Variants in NR2C2 observed in about 807,000 individuals in gnomAD.
NR2C2 encodes nuclear receptor subfamily 2 group C member 2.
NR2C2 carries 6 observed loss-of-function variants against 62.9 expected under a neutral mutation model. That is an observed-to-expected ratio of 0.10 (90% confidence interval 0.05 to 0.19). NR2C2 has a LOEUF of 0.19. Ranked by LOEUF, NR2C2 falls within the 10% of genes least tolerant of loss-of-function variation. The pLI is 1.00. For missense variants in NR2C2, 479 were observed against 762.7 expected (o/e 0.63, Z 4.38); for synonymous variants, 272 against 273.8 (o/e 0.99, Z 0.07).
At chr3:14,984,469 A>G (rs2040460251) in intron 1 of NR2C2, among the ~76,000 whole-genome samples, 1 of 152,180 alleles carries the variant, frequency 6.6e-6, no homozygotes, top group South Asian at 2.1e-4. Flanking sequence ...GTATAGCTCT[A>G]GCCACATCTA....
intron 4 of NR2C2, among the ~76,000 whole-genome samples, chr3:15,018,020 A>C (rs1039607392): frequency 1.3e-5 from 2 of 151,404 alleles, no homozygotes; most frequent in Non-Finnish European, 2.9e-5. Flanking sequence ...TTTTTTTGAG[A>C]TGGAGTCTCA....
intron 3 of NR2C2, among the ~76,000 whole-genome samples, chr3:15,015,897 G>C (rs1032595441): frequency 6.6e-6 from 1 of 152,138 alleles, no homozygotes; most frequent in Non-Finnish European, 1.5e-5. Context: ...TGCCTCCCGG[G>C]TTGAAGCAAT....
At chr3:15,041,038 G>T (rs1177833016) in intron 13 of NR2C2, among the ~76,000 whole-genome samples, 1 of 152,150 alleles carries the variant, frequency 6.6e-6, no homozygotes, top group East Asian at 1.9e-4. Context: ...AGTCACTCCT[G>T]TCCAGTCAGG....
chr3:14,989,824 C>A (rs1339220899), intron 1 of NR2C2, among the ~76,000 whole-genome samples: 1 of 146,914 alleles, frequency 6.8e-6, no homozygotes, highest in Non-Finnish European at 1.5e-5. Flanking sequence ...CCCAGCTACT[C>A]GAGAGGTGGA....
intron 1 of NR2C2, among the ~76,000 whole-genome samples, chr3:14,974,038 TCA>T (rs1159950016): frequency 2.0e-5 from 3 of 152,150 alleles, no homozygotes; most frequent in East Asian, 1.9e-4. Context: ...CAACAGATCT[TCA>T]CAGTTTTTTC....
At chr3:14,959,068 G>C (rs947110526) in intron 1 of NR2C2, 1 of 152,218 alleles carries the variant, frequency 6.6e-6, no homozygotes, top group African/African-American at 2.4e-5. Flanking sequence ...TCTTATTCTA[G>C]TGGGACATCT....
chr3:15,017,913 A>T (rs923578015), intron 4 of NR2C2, among the ~76,000 whole-genome samples: 4 of 152,330 alleles, frequency 2.6e-5, no homozygotes, highest in African/African-American at 4.8e-5. Flanking sequence ...GAATCAGAAG[A>T]GCATGTCCAT....
intron 2 of NR2C2, among the ~76,000 whole-genome samples, chr3:15,012,247 A>T (rs1402658327): frequency 6.8e-6 from 1 of 147,758 alleles, no homozygotes; most frequent in Non-Finnish European, 1.5e-5. Flanking sequence ...TTTTTTGGAG[A>T]CGGAGTTTCC....
At position 15,024,172 on chromosome 3, in the gene NR2C2, T is replaced by G. The variant is rs1176751086; in HGVS notation, c.762T>G (p.Arg254=). 1.9e-6 allele frequency: 3 copies of G among 1,612,692 alleles called. No individual in the cohort carries two copies. The highest frequency in any genetic ancestry group is 2.5e-6 in the Non-Finnish European group (3 of 1,179,386). The stretch of plus-strand genomic sequence containing the variant: ...TGAACATCCAGCAGCCTTTGATACG[T>G]GAGGATGGTACAGTTCTCCTGGCCA... ...MLVNIQQPLI[R]EDGTVLLATD... The change falls in exon 7 of 14, where the codon CGT becomes CGG. Residue 254 remains arginine, a synonymous_variant. Transcript: ENST00000425241.
intron 9 of NR2C2, among the ~76,000 whole-genome samples, chr3:15,031,599 T>C (rs900674863): frequency 1.3e-5 from 2 of 151,964 alleles, no homozygotes; most frequent in Non-Finnish European, 2.9e-5. Context: ...TCTCAAACAC[T>C]TGGCCTCAAG....
At chr3:14,970,519 A>G (rs1481708523) in intron 1 of NR2C2, among the ~76,000 whole-genome samples, 3 of 152,028 alleles carry the variant, frequency 2.0e-5, no homozygotes, top group Non-Finnish European at 2.9e-5. Flanking sequence ...GGCAACCACC[A>G]TTCTTTCCAT....
In NR2C2 at chr3:15,045,118, T is replaced by G. The variant is rs530458916; in HGVS notation, c.*2110T>G. 1 of 152,322 alleles carries G rather than the reference T, an allele frequency of 6.6e-6. No individual in the cohort carries two copies. The highest frequency in any genetic ancestry group is 1.9e-4 in the East Asian group (1 of 5,180). The allele number at this position is 152,322 out of a possible 1,614,324, so 9.4% of individuals were successfully genotyped here. ...ATGGAATTAGGGCAGGTTTGTTTCA[T>G]TTCTGCTTGTGAAGGCTTTTAGTAG... On this transcript the variant is annotated 3_prime_UTR_variant, in exon 14 of 14. Coordinates refer to ENST00000425241, the MANE Select transcript of NR2C2 (RefSeq NM_001291694.2).
At chr3:14,985,990 A>G (rs1459167012) in intron 1 of NR2C2, among the ~76,000 whole-genome samples, 1 of 152,166 alleles carries the variant, frequency 6.6e-6, no homozygotes, top group East Asian at 1.9e-4. Flanking sequence ...TTCATATGCA[A>G]GAAGTAGCAC....
chr3:14,953,756 G>A (rs60539694), intron 1 of NR2C2, among the ~76,000 whole-genome samples: 2,405 of 152,082 alleles, frequency 0.016, 68 homozygotes, highest in African/African-American at 0.054. Flanking sequence ...TTAGCTGGGC[G>A]TGGTGGCAGG....
chr3:15,042,890 CAGA>C lies in NR2C2; in HGVS notation c.1678_1680del (p.Glu560del). 1 of 1,614,164 alleles carries C rather than the reference CAGA, an allele frequency of 6.2e-7. No homozygotes were observed. The highest frequency in any genetic ancestry group is 8.5e-7 in the Non-Finnish European group (1 of 1,180,024). ...CTCAGGCTGATGAGCTCCAACATAA[CAGA>C]AGAACTTTTTTTTACTGGTCTCATT... On this transcript the variant is annotated inframe_deletion, in exon 14 of 14. Coordinates refer to ENST00000425241, the MANE Select transcript of NR2C2 (RefSeq NM_001291694.2).
In NR2C2 at chr3:14,947,865, C is replaced by T. The variant is rs1169776794; in HGVS notation, c.-81C>T. 1.3e-5 allele frequency: 2 copies of T among 149,814 alleles called. No individual in the cohort carries two copies. The highest frequency in any genetic ancestry group is 4.9e-5 in the African/African-American group (2 of 40,998). The allele number at this position is 149,814 out of a possible 1,614,324, so 9.3% of individuals were successfully genotyped here. A position where few individuals can be genotyped will look rare whatever the true frequency, so the allele number is the denominator to read the frequency against. On this transcript the variant is annotated 5_prime_UTR_variant, in exon 1 of 14. Coordinates refer to ENST00000425241, the MANE Select transcript of NR2C2 (RefSeq NM_001291694.2). ...CGCGCCGGGGGCCGCCCGCCGCAGA[C>T]ACGGGACCCGCTTCGAGGCCGCTTT...
chr3:14,952,715 T>G (rs2039402894), intron 1 of NR2C2, among the ~76,000 whole-genome samples: 1 of 152,226 alleles, frequency 6.6e-6, no homozygotes, highest in African/African-American at 2.4e-5. Flanking sequence ...GTTGGAGGTT[T>G]GCTTGCCTTC....
At chr3:14,961,360 G>T (rs1027091135) in intron 1 of NR2C2, among the ~76,000 whole-genome samples, 13 of 152,188 alleles carry the variant, frequency 8.5e-5, no homozygotes, top group Admixed American at 7.2e-4. Flanking sequence ...TTGTAAAATT[G>T]TATTGCAAGA....
chr3:15,027,222 C>T (rs150364802), intron 7 of NR2C2, among the ~76,000 whole-genome samples: 1,809 of 152,248 alleles, frequency 0.012, 24 homozygotes, highest in South Asian at 0.055. Context: ...TGGTCTCGAA[C>T]TCCTGACCTT....
Sources: gnomAD v4.1 joint callset for allele counts (sites outside exome capture counted in the v4.1 genomes callset) on GRCh38, gnomAD v4.1.1 for gene constraint, MANE v1.5 for transcripts, NCBI Gene and HGNC (gene_info 2026-07-23, HGNC 2026-07-21) for gene names.